HAUS1: variants seen among roughly 807,000 people sequenced by gnomAD.
HAUS1 encodes the protein HAUS augmin like complex subunit 1, also known as HAUS augmin-like complex subunit 1.
In HAUS1, 25 loss-of-function variants were observed where a neutral mutation model predicts 38.6. The ratio of observed to expected loss-of-function variants is 0.65; its 90% CI spans 0.47 to 0.91. The LOEUF (loss-of-function observed/expected upper bound fraction) is 0.91. Ranked by LOEUF, HAUS1 falls within the 40% of genes least tolerant of loss-of-function variation. The pLI is 0.00. For missense variants in HAUS1, 325 were observed against 328.4 expected (o/e 0.99, Z 0.08); for synonymous variants, 109 against 112.9 (o/e 0.97, Z 0.22).
At chr18:46,107,431 C>A (rs1010893907) in intron 2 of HAUS1, among the ~76,000 whole-genome samples, 2 of 152,098 alleles carry the variant, frequency 1.3e-5, no homozygotes. Context: ...TATTAAATAA[C>A]AAATGTTCTA....
At position 46,125,924 on chromosome 18, in the gene HAUS1, C is replaced by T. The variant is rs1014137237; in HGVS notation, c.786+133C>T. On this transcript the variant is annotated intron_variant, in intron 8 of 8. Coordinates refer to ENST00000282058, the MANE Select transcript of HAUS1 (RefSeq NM_138443.4). ...AGTCCTAAAGTTACTGTGTATCATTCTCCTGCATCTTTTAATACTTTTTTG... is the reference window on the plus strand; with the variant it reads ...AGTCCTAAAGTTACTGTGTATCATTTTCCTGCATCTTTTAATACTTTTTTG... The T allele has an allele frequency of 9.5e-6, 6 of 633,054 alleles. No individual in the cohort carries two copies. The Admixed American group carries it at 1.2e-4, about 12-fold the overall frequency. The allele number at this position is 633,054 out of a possible 1,614,324, so 39.2% of individuals were successfully genotyped here. A position where few individuals can be genotyped will look rare whatever the true frequency, so the allele number is the denominator to read the frequency against.
intron 3 of HAUS1, among the ~76,000 whole-genome samples, chr18:46,119,455 CT>C (rs534204087): frequency 4.0e-5 from 6 of 150,854 alleles, no homozygotes; most frequent in East Asian, 2.0e-4. Context: ...ATTTTTTAAA[CT>C]TTTTTTTTAT....
At chr18:46,111,477 A>G (rs1911632385) in intron 2 of HAUS1, among the ~76,000 whole-genome samples, 1 of 152,036 alleles carries the variant, frequency 6.6e-6, no homozygotes, top group African/African-American at 2.4e-5. Context: ...ATATTTCACC[A>G]CACCTGGCTA....
At chr18:46,108,276 T>A (rs1911528420) in intron 2 of HAUS1, among the ~76,000 whole-genome samples, 1 of 150,574 alleles carries the variant, frequency 6.6e-6, no homozygotes, top group Non-Finnish European at 1.5e-5. Context: ...TACTTCTTTT[T>A]TTTTTTTTTT....
chr18:46,120,645 G>T (rs1288947904), intron 4 of HAUS1, among the ~76,000 whole-genome samples: 1 of 151,894 alleles, frequency 6.6e-6, no homozygotes, highest in Non-Finnish European at 1.5e-5. Flanking sequence ...GAGTGCAATG[G>T]TGCAGTCTTG....
chr18:46,120,401 A>G (rs1221059320), intron 4 of HAUS1, among the ~76,000 whole-genome samples: 2 of 150,562 alleles, frequency 1.3e-5, no homozygotes, highest in African/African-American at 4.9e-5. Context: ...TGCCCAGCTA[A>G]TTTTGTATTT....
In HAUS1 at chr18:46,120,038, G is replaced by A; in HGVS notation, c.454G>A (p.Val152Ile). 1.2e-6 allele frequency: 2 copies of A among 1,600,344 alleles called. No individual in the cohort carries two copies. Among genetic ancestry groups the A allele is most frequent in the Non-Finnish European group, 1.7e-6 (2 of 1,171,210 alleles). Residue 152 changes from valine to isoleucine, a missense_variant, in exon 4 of 9, where the codon GTA (valine) becomes ATA (isoleucine). Coordinates refer to ENST00000282058, the MANE Select transcript of HAUS1 (RefSeq NM_138443.4). ...KLEKNLTATLVLEKCLQEDVK... is the reference protein window; with the variant it reads ...KLEKNLTATLILEKCLQEDVK... The stretch of plus-strand genomic sequence containing the variant: ...TGAAAAAAATTTAACTGCAACTTTA[G>A]TATTAGAAAAATGTCTACAAGAGTA...
At chr18:46,111,782 TTCTTTC>T (rs1911639861) in intron 2 of HAUS1, among the ~76,000 whole-genome samples, 1 of 151,976 alleles carries the variant, frequency 6.6e-6, no homozygotes, top group South Asian at 2.1e-4. Flanking sequence ...TTATTTTCAC[TTCTTTC>T]TCTTTTCTCT....
intron 2 of HAUS1, among the ~76,000 whole-genome samples, chr18:46,107,824 G>T (rs887889619): frequency 2.6e-5 from 4 of 152,134 alleles, no homozygotes; most frequent in African/African-American, 7.2e-5. Flanking sequence ...ATATTTGCAG[G>T]AATTGGGAAA....
chr18:46,118,244 C>G lies in HAUS1; in HGVS notation c.269C>G (p.Thr90Ser). Residue 90 changes from threonine to serine, a missense_variant, in exon 3 of 9, where the codon ACT becomes AGT. By Grantham distance (58) the Thr-to-Ser change is moderately conservative. Transcript: ENST00000282058. The stretch of plus-strand genomic sequence containing the variant: ...TTTTCCCCCGCCAATCTCTCTAGCA[C>G]TGGTTCCAGGTATCTGAATGCTTTG... The part of the protein sequence containing the change: ...VNFSPANLSS[T>S]GSRYLNALVD... 3 of 1,612,626 alleles carry G rather than the reference C, an allele frequency of 1.9e-6. No individual in the cohort carries two copies. The highest frequency in any genetic ancestry group is 2.5e-6 in the Non-Finnish European group (3 of 1,179,872).
At chr18:46,114,297 C>A (rs901808588) in intron 2 of HAUS1, among the ~76,000 whole-genome samples, 8 of 152,158 alleles carry the variant, frequency 5.3e-5, no homozygotes, top group African/African-American at 1.9e-4. Context: ...GTAGTCAGTT[C>A]CTTTGGGAAG....
chr18:46,111,306 C>T (rs1013779302), intron 2 of HAUS1, among the ~76,000 whole-genome samples: 2 of 151,704 alleles, frequency 1.3e-5, no homozygotes, highest in African/African-American at 2.4e-5. Flanking sequence ...AAATTTTCAG[C>T]ATTGTTTCTT....
chr18:46,117,818 C>T (rs1039628793), intron 2 of HAUS1, among the ~76,000 whole-genome samples: 24 of 151,810 alleles, frequency 1.6e-4, no homozygotes, highest in South Asian at 2.1e-4. Context: ...TGGTGGTGGG[C>T]GCCTGTAATC....
At chr18:46,111,236 T>G (rs912745296) in intron 2 of HAUS1, among the ~76,000 whole-genome samples, 4 of 152,194 alleles carry the variant, frequency 2.6e-5, no homozygotes, top group Non-Finnish European at 5.9e-5. Context: ...TTACATTTAT[T>G]TTACTTGGAT....
chr18:46,119,558 A>T (rs944395176), intron 3 of HAUS1, among the ~76,000 whole-genome samples: 12 of 152,136 alleles, frequency 7.9e-5, no homozygotes, highest in Non-Finnish European at 1.6e-4. Context: ...GATGAATACG[A>T]TAGTAACTTC....
chr18:46,124,816 C>T lies in HAUS1; in HGVS notation c.667-6C>T. ...TTACTCTGTGACTGTGTTCTTTTACCCCCAGAAACTGGCAAGATTAAAGCA... is the reference window on the plus strand; with the variant it reads ...TTACTCTGTGACTGTGTTCTTTTACTCCCAGAAACTGGCAAGATTAAAGCA... On this transcript the variant is annotated splice_region_variant and splice_polypyrimidine_tract_variant and intron_variant, in intron 6 of 8. Transcript: ENST00000282058. 3 of 1,574,518 alleles carry T rather than the reference C, an allele frequency of 1.9e-6. No homozygotes were observed. Among genetic ancestry groups the T allele is most frequent in the Non-Finnish European group, 2.6e-6 (3 of 1,147,170 alleles).
chr18:46,111,350 A>G (rs1911629773), intron 2 of HAUS1, among the ~76,000 whole-genome samples: 1 of 150,118 alleles, frequency 6.7e-6, no homozygotes, highest in Non-Finnish European at 1.5e-5. Flanking sequence ...TTTGAGACAG[A>G]GTCTCACTCT....
intron 4 of HAUS1, 73 bp from the exon 5 acceptor site, chr18:46,122,394 G>T (rs775360089): frequency 6.1e-6 from 9 of 1,483,858 alleles, no homozygotes; most frequent in Non-Finnish European, 8.4e-6. Context: ...TCCAAAAGTA[G>T]TAGAGTTTCT....
chr18:46,125,770 TGAA>T lies in HAUS1; in HGVS notation c.770_772del (p.Glu257del). The T allele has an allele frequency of 6.2e-7, 1 of 1,604,480 alleles. No homozygotes were observed. The highest frequency in any genetic ancestry group is 8.5e-7 in the Non-Finnish European group (1 of 1,173,652). ...ATCCGTCTCTTGCTCAAGTGAAAAT[TGAA>T]GAAGCAAAGCGAGAACTAGTAAGTA... On this transcript the variant is annotated inframe_deletion, in exon 8 of 9. Coordinates refer to ENST00000282058, the MANE Select transcript of HAUS1 (RefSeq NM_138443.4).
Sources: allele counts gnomAD v4.1 joint callset (sites outside exome capture counted in the v4.1 genomes callset), GRCh38; gene constraint gnomAD v4.1.1; transcripts MANE v1.5; gene names NCBI Gene and HGNC (gene_info 2026-07-23, HGNC 2026-07-21).